GALNT13: variants seen among roughly 807,000 people sequenced by gnomAD.
GALNT13 encodes the protein UDP-GalNAc:polypeptide N-acetylgalactosaminyltransferase 13.
A neutral mutation model predicts 64.2 loss-of-function variants in GALNT13; 28 were observed. That is an observed-to-expected ratio of 0.44 (90% CI 0.32 to 0.60). The LOEUF (loss-of-function observed/expected upper bound fraction) is 0.60. Ranked by LOEUF, GALNT13 falls within the 20% of genes least tolerant of loss-of-function variation. GALNT13 has a pLI of 0.05. For missense variants in GALNT13, 577 were observed against 669.8 expected (o/e 0.86, Z 1.53); for synonymous variants, 214 against 224.6 (o/e 0.95, Z 0.42).
the GALNT13 span, among the ~76,000 whole-genome samples, chr2:153,306,021 G>C: frequency 6.6e-6 from 1 of 152,176 alleles, no homozygotes; most frequent in Non-Finnish European, 1.5e-5. Context: ...GCACCCAGTC[G>C]AGCATGTGGC....
At chr2:154,040,396 T>C (rs958153163) in intron 3 of GALNT13, among the ~76,000 whole-genome samples, 1 of 141,000 alleles carries the variant, frequency 7.1e-6, no homozygotes, top group African/African-American at 2.4e-5. Context: ...GATTATGAAA[T>C]GTTTTCATTG....
chr2:153,954,460 T>C (rs1692427310), intron 3 of GALNT13, among the ~76,000 whole-genome samples: 1 of 152,086 alleles, frequency 6.6e-6, no homozygotes, highest in African/African-American at 2.4e-5. Flanking sequence ...TTTTGACCGC[T>C]GATATTTGCT....
At chr2:153,212,478 G>C in the GALNT13 span, among the ~76,000 whole-genome samples, 2 of 152,256 alleles carry the variant, frequency 1.3e-5, no homozygotes, top group East Asian at 3.9e-4. Context: ...TTCTAATTTA[G>C]AAAGATATTC....
At chr2:153,244,972 G>A in the GALNT13 span, among the ~76,000 whole-genome samples, 1 of 152,234 alleles carries the variant, frequency 6.6e-6, no homozygotes, top group Non-Finnish European at 1.5e-5. Context: ...TGAGGCTTTA[G>A]TAGGCTGTTT....
At chr2:153,894,640 A>C (rs1687774982) in intron 1 of GALNT13, among the ~76,000 whole-genome samples, 1 of 152,138 alleles carries the variant, frequency 6.6e-6, no homozygotes, top group African/African-American at 2.4e-5. Flanking sequence ...TAGATTAATC[A>C]GTTTGCTTTG....
chr2:154,251,990 AC>A (rs1690094497), intron 7 of GALNT13, among the ~76,000 whole-genome samples: 1 of 152,150 alleles, frequency 6.6e-6, no homozygotes, highest in Admixed American at 6.5e-5. Flanking sequence ...TGTAAAAAAA[AC>A]CTTATTTTTA....
At chr2:154,131,901 A>G (rs1204956452) in intron 3 of GALNT13, among the ~76,000 whole-genome samples, 2 of 152,206 alleles carry the variant, frequency 1.3e-5, no homozygotes, top group African/African-American at 4.8e-5. Context: ...CTTGCAAACC[A>G]GTGATGTAAG....
At chr2:153,588,595 A>G in the GALNT13 span, among the ~76,000 whole-genome samples, 2 of 152,054 alleles carry the variant, frequency 1.3e-5, no homozygotes, top group Admixed American at 1.3e-4. Context: ...CCACAAAACC[A>G]TTATTTCCTC....
chr2:154,136,865 A>G (rs935074790), intron 3 of GALNT13, among the ~76,000 whole-genome samples: 1 of 152,156 alleles, frequency 6.6e-6, no homozygotes, highest in Non-Finnish European at 1.5e-5. Context: ...CAAATCAACA[A>G]TAAAAAAACC....
At chr2:153,883,481 G>A (rs6730458) in intron 1 of GALNT13, among the ~76,000 whole-genome samples, 117,471 of 152,032 alleles carry the variant, frequency 0.77, 45,799 homozygotes, top group East Asian at 0.96. Context: ...TAAGACATAT[G>A]AAGACAAACG....
At chr2:153,684,045 A>G in the GALNT13 span, among the ~76,000 whole-genome samples, 4 of 144,644 alleles carry the variant, frequency 2.8e-5, no homozygotes, top group Non-Finnish European at 6.1e-5. Flanking sequence ...CTAAAGTCCT[A>G]TATCAGTATT....
intron 2 of GALNT13, among the ~76,000 whole-genome samples, chr2:153,937,588 A>G (rs1476201436): frequency 6.6e-6 from 1 of 152,194 alleles, no homozygotes. Flanking sequence ...ACTATATTGC[A>G]TTGTATACTT....
At chr2:153,190,087 G>C in the GALNT13 span, among the ~76,000 whole-genome samples, 162 of 152,100 alleles carry the variant, frequency 1.1e-3, no homozygotes, top group African/African-American at 3.7e-3. Flanking sequence ...TGCAGAAGTT[G>C]TTTAGTTTAA....
chr2:154,327,646 A>G (rs1260830117), intron 9 of GALNT13, among the ~76,000 whole-genome samples: 1 of 152,134 alleles, frequency 6.6e-6, no homozygotes, highest in Non-Finnish European at 1.5e-5. Context: ...TCCAGAACTT[A>G]CATAAGTGAC....
chr2:154,218,853 A>C (rs1051358236), intron 4 of GALNT13, among the ~76,000 whole-genome samples: 1 of 151,948 alleles, frequency 6.6e-6, no homozygotes, highest in Non-Finnish European at 1.5e-5. Flanking sequence ...ATCTGTCTAA[A>C]CATTTGACTA....
chr2:154,018,621 G>A (rs1189774964), intron 3 of GALNT13, among the ~76,000 whole-genome samples: 1 of 151,744 alleles, frequency 6.6e-6, no homozygotes, highest in Non-Finnish European at 1.5e-5. Flanking sequence ...AGAGAATGAT[G>A]AAGAGGGTGA....
the GALNT13 span, among the ~76,000 whole-genome samples, chr2:153,144,347 G>A: frequency 2.6e-5 from 4 of 151,892 alleles, no homozygotes; most frequent in Non-Finnish European, 1.5e-5. Flanking sequence ...GCCTGGATAT[G>A]TAGAACAAGA....
chr2:153,547,716 C>T, the GALNT13 span, among the ~76,000 whole-genome samples: 1 of 151,840 alleles, frequency 6.6e-6, no homozygotes, highest in African/African-American at 2.4e-5. Context: ...ATCTTGTTTT[C>T]TTTTTCATGA....
intron 11 of GALNT13, among the ~76,000 whole-genome samples, chr2:154,431,829 T>C (rs1380575774): frequency 6.6e-6 from 1 of 151,212 alleles, no homozygotes; most frequent in Non-Finnish European, 1.5e-5. Context: ...GCAGTTTCCC[T>C]GCACACGCTC....
Sources: gnomAD v4.1 joint callset for allele counts (sites outside exome capture counted in the v4.1 genomes callset) on GRCh38, gnomAD v4.1.1 for gene constraint, MANE v1.5 for transcripts, NCBI Gene and HGNC (gene_info 2026-07-23, HGNC 2026-07-21) for gene names.